Variants in CFAP299 observed in about 807,000 individuals in gnomAD.
CFAP299 encodes cilia and flagella associated protein 299, also known as cilia- and flagella-associated protein 299.
CFAP299 carries 21 observed loss-of-function variants against 27.0 expected under a neutral mutation model. The ratio of observed to expected loss-of-function variants is 0.78; its 90% CI spans 0.55 to 1.12. The LOEUF is 1.12. Ranked by LOEUF, CFAP299 falls within the 50% of genes most tolerant of loss-of-function variation. The probability of loss-of-function intolerance (pLI) is 0.00; values close to 1 mark genes in which losing one functional copy is unlikely to be tolerated. For synonymous variants in CFAP299, 104 were observed against 98.1 expected (o/e 1.06, Z -0.36); for missense variants, 310 against 276.6 (o/e 1.12, Z -0.86).
intron 2 of CFAP299, among the ~76,000 whole-genome samples, chr4:80,495,777 T>C (rs1249239037): frequency 6.6e-6 from 1 of 152,244 alleles, no homozygotes; most frequent in Non-Finnish European, 1.5e-5. Context: ...AGCATGATAC[T>C]AGCATCTGCT....
At chr4:80,827,116 A>G (rs980852731) in intron 3 of CFAP299, among the ~76,000 whole-genome samples, 1 of 151,890 alleles carries the variant, frequency 6.6e-6, no homozygotes, top group African/African-American at 2.4e-5. Flanking sequence ...TTGTTGAATT[A>G]GAAAAAGAAA....
At chr4:80,577,102 T>C (rs1157591525) in intron 2 of CFAP299, among the ~76,000 whole-genome samples, 1 of 152,166 alleles carries the variant, frequency 6.6e-6, no homozygotes, top group Non-Finnish European at 1.5e-5. Context: ...TGTAAAAATA[T>C]TATGATGTAG....
intron 3 of CFAP299, among the ~76,000 whole-genome samples, chr4:80,819,539 T>C (rs1729593291): frequency 6.6e-6 from 1 of 151,950 alleles, no homozygotes; most frequent in Admixed American, 6.6e-5. Context: ...TCTAGACAAG[T>C]AAAAGGAGGG....
Position 80,871,735 on chromosome 4 carries a change from C to G in CFAP299, c.476+1600C>G, listed in dbSNP as rs533607341. On this transcript the variant is annotated intron_variant, in intron 4 of 5. Transcript: ENST00000358105. The stretch of plus-strand genomic sequence containing the variant: ...AGATATCTCATTTCACCTGCAAACA[C>G]TTCAGCATGGATCTTTATCTGATAC... 2.9e-4 allele frequency: 192 copies of G among 660,986 alleles called. No individual in the cohort carries two copies. In the African/African-American group the frequency reaches 3.6e-3, roughly 12 times the overall value. 40.9% of individuals were successfully genotyped at this position (660,986 alleles called of 1,614,324 possible).
chr4:80,386,248 C>A (rs1289714615), intron 2 of CFAP299: 2 of 1,135,518 alleles, frequency 1.8e-6, no homozygotes, highest in East Asian at 4.8e-5. Flanking sequence ...GGCCTGCAGC[C>A]CCGCCAGAGC....
chr4:80,719,059 C>A (rs1722662977), intron 3 of CFAP299, among the ~76,000 whole-genome samples: 1 of 152,056 alleles, frequency 6.6e-6, no homozygotes, highest in Admixed American at 6.6e-5. Context: ...CCAAATATCA[C>A]ATTTTCTTAC....
At chr4:80,619,701 T>C (rs903026760) in intron 3 of CFAP299, among the ~76,000 whole-genome samples, 2 of 152,094 alleles carry the variant, frequency 1.3e-5, no homozygotes, top group Admixed American at 1.3e-4. Context: ...AACTCTCTTG[T>C]GATTTCCAGG....
intron 2 of CFAP299, among the ~76,000 whole-genome samples, chr4:80,547,080 T>G (rs2110205083): frequency 6.6e-6 from 1 of 152,228 alleles, no homozygotes; most frequent in Non-Finnish European, 1.5e-5. Context: ...AAAGCAATTC[T>G]AAGCAAAAAG....
chr4:80,757,705 T>G (rs1725315835), intron 3 of CFAP299, among the ~76,000 whole-genome samples: 2 of 149,386 alleles, frequency 1.3e-5, no homozygotes, highest in South Asian at 4.2e-4. Context: ...TTTGTTTTTT[T>G]TGTTTGTTTG....
intron 2 of CFAP299, among the ~76,000 whole-genome samples, chr4:80,525,727 C>T (rs770977420): frequency 6.6e-6 from 1 of 152,134 alleles, no homozygotes; most frequent in Non-Finnish European, 1.5e-5. Context: ...GCCACAGGGT[C>T]TCTTTATTAA....
At chr4:80,505,440 C>T (rs1237340029) in intron 2 of CFAP299, among the ~76,000 whole-genome samples, 1 of 86,656 alleles carries the variant, frequency 1.2e-5, no homozygotes, top group Non-Finnish European at 2.1e-5. Flanking sequence ...AAATTTTATC[C>T]CCTTCTCTCA....
intron 3 of CFAP299, among the ~76,000 whole-genome samples, chr4:80,813,502 A>G (rs932106612): frequency 2.0e-5 from 3 of 152,008 alleles, no homozygotes; most frequent in African/African-American, 4.8e-5. Flanking sequence ...CAGAAAGGAC[A>G]TCCTTTTCTG....
chr4:80,447,119 GTTTTTTTTTTGTTTTTT>G (rs1333891483), intron 2 of CFAP299, among the ~76,000 whole-genome samples: 1 of 65,508 alleles, frequency 1.5e-5, no homozygotes, highest in Non-Finnish European at 3.2e-5. Flanking sequence ...CTTTTTATTT[GTTTTTTTTTTGTTTTTT>G]TTTTTTTTTT....
intron 3 of CFAP299, among the ~76,000 whole-genome samples, chr4:80,595,037 A>G (rs1736990880): frequency 6.6e-6 from 1 of 152,118 alleles, no homozygotes; most frequent in Non-Finnish European, 1.5e-5. Context: ...ACTTAGTTCC[A>G]TTTCTTTAGT....
At chr4:80,323,797 T>A in the CFAP299 span, among the ~76,000 whole-genome samples, 1 of 152,272 alleles carries the variant, frequency 6.6e-6, no homozygotes, top group South Asian at 2.1e-4. Context: ...TTACTTATAT[T>A]TTTAGTCTGT....
At chr4:80,896,520 C>T (rs1359957770) in intron 4 of CFAP299, among the ~76,000 whole-genome samples, 3 of 146,250 alleles carry the variant, frequency 2.1e-5, no homozygotes, top group East Asian at 3.9e-4. Context: ...TGTGGGCTTA[C>T]TGGCCCTCTT....
At chr4:80,371,988 T>C (rs1169242241) in intron 2 of CFAP299, among the ~76,000 whole-genome samples, 1 of 152,200 alleles carries the variant, frequency 6.6e-6, no homozygotes, top group East Asian at 1.9e-4. Context: ...TCTGTATCAG[T>C]CCATTCTTGC....
intron 2 of CFAP299, chr4:80,420,221 A>T (rs1727226812): frequency 2.2e-6 from 1 of 455,994 alleles, no homozygotes; most frequent in South Asian, 1.5e-5. Context: ...CAGGTGTCAG[A>T]CTCTCAGTTA....
At chr4:80,458,754 T>C (rs7674234) in intron 2 of CFAP299, among the ~76,000 whole-genome samples, 33 of 152,150 alleles carry the variant, frequency 2.2e-4, no homozygotes, top group African/African-American at 7.5e-4. Context: ...AAAAATTCAA[T>C]CCCAGAAATA....
Sources: gnomAD v4.1 joint callset for allele counts (sites outside exome capture counted in the v4.1 genomes callset) on GRCh38, gnomAD v4.1.1 for gene constraint, MANE v1.5 for transcripts, NCBI Gene and HGNC (gene_info 2026-07-23, HGNC 2026-07-21) for gene names.